HS3ST3A1: variants seen among roughly 807,000 people sequenced by gnomAD.
HS3ST3A1 encodes heparan sulfate-glucosamine 3-sulfotransferase 3A1.
A neutral mutation model predicts 25.7 loss-of-function variants in HS3ST3A1; 19 were observed. That is an observed-to-expected ratio of 0.74 (90% CI 0.52 to 1.08). The LOEUF (loss-of-function observed/expected upper bound fraction) is 1.08, where lower values mean the gene tolerates loss of function less well. Among genes scored for constraint, HS3ST3A1 ranks in the 50% least tolerant of loss-of-function variants. The pLI is 0.00. For synonymous variants in HS3ST3A1, 226 were observed against 278.6 expected (o/e 0.81, Z 1.88); for missense variants, 459 against 594.3 (o/e 0.77, Z 2.37).
intron 1 of HS3ST3A1, among the ~76,000 whole-genome samples, chr17:13,557,784 A>G (rs1907421237): frequency 6.6e-6 from 1 of 152,228 alleles, no homozygotes; most frequent in African/African-American, 2.4e-5. Context: ...GGTTGAGATC[A>G]GAGAATGAAG....
intron 1 of HS3ST3A1, among the ~76,000 whole-genome samples, chr17:13,537,927 TA>T (rs1243370237): frequency 6.6e-6 from 1 of 152,234 alleles, no homozygotes; most frequent in African/African-American, 2.4e-5. Flanking sequence ...TCTGTAAGGT[TA>T]AAAACTCAGC....
intron 1 of HS3ST3A1, among the ~76,000 whole-genome samples, chr17:13,546,173 A>T (rs755303376): frequency 1.1e-4 from 16 of 152,202 alleles, no homozygotes; most frequent in Non-Finnish European, 1.8e-4. Context: ...CTTTCATCTT[A>T]TCTAGTCCTT....
intron 1 of HS3ST3A1, among the ~76,000 whole-genome samples, chr17:13,509,594 GAC>G (rs946182692): frequency 2.6e-5 from 4 of 151,874 alleles, no homozygotes; most frequent in African/African-American, 9.7e-5. Flanking sequence ...GCGAGAGAGA[GAC>G]AGAGAGAGAT....
chr17:13,572,658 A>C (rs1907849044), intron 1 of HS3ST3A1, among the ~76,000 whole-genome samples: 1 of 152,060 alleles, frequency 6.6e-6, no homozygotes, highest in African/African-American at 2.4e-5. Flanking sequence ...GCTGTGTTTT[A>C]ATTTGTTAAG....
rs561052041 is a variant in HS3ST3A1 at position 13,521,140 on chromosome 17, T to C, written c.600-24322A>G. Among the ~76,000 whole-genome samples the C allele has an allele frequency of 7.2e-5, 11 of 152,308 alleles. No individual in the cohort carries two copies. The East Asian group carries it at 2.1e-3, about 29-fold the overall frequency. The stretch of plus-strand genomic sequence containing the variant: ...TCTTGCTTCTGAGTTTGAGTCACCA[T>C]TTGCCTCTTGGCCGGGTTGGTCTAC... On this transcript the variant is annotated intron_variant, in intron 1 of 1. Coordinates refer to ENST00000284110, the MANE Select transcript of HS3ST3A1 (RefSeq NM_006042.3).
At chr17:13,583,606 T>A (rs58529364) in intron 1 of HS3ST3A1, among the ~76,000 whole-genome samples, 1 of 152,096 alleles carries the variant, frequency 6.6e-6, no homozygotes, top group Non-Finnish European at 1.5e-5. Context: ...TACCCTTAGA[T>A]TTTTTTATCA....
chr17:13,512,574 T>C (rs1333697551), intron 1 of HS3ST3A1, among the ~76,000 whole-genome samples: 1 of 152,168 alleles, frequency 6.6e-6, no homozygotes, highest in Non-Finnish European at 1.5e-5. Flanking sequence ...CTCGGCAGCT[T>C]TTGAACCACA....
intron 1 of HS3ST3A1, among the ~76,000 whole-genome samples, chr17:13,590,596 C>T (rs1442312682): frequency 6.6e-6 from 1 of 152,138 alleles, no homozygotes; most frequent in African/African-American, 2.4e-5. Flanking sequence ...GTTTATGATT[C>T]TATCTTATTG....
At chr17:13,536,221 A>C (rs1906766032) in intron 1 of HS3ST3A1, among the ~76,000 whole-genome samples, 1 of 152,230 alleles carries the variant, frequency 6.6e-6, no homozygotes, top group African/African-American at 2.4e-5. Context: ...TCAAAGAGAT[A>C]AACCTGACAA....
chr17:13,546,440 G>A (rs12150035), intron 1 of HS3ST3A1, among the ~76,000 whole-genome samples: 26,998 of 152,004 alleles, frequency 0.18, 2,431 homozygotes, highest in Admixed American at 0.19. Flanking sequence ...GGTAATTTTT[G>A]TATTTTTAGT....
chr17:13,560,184 C>A (rs113572194), intron 1 of HS3ST3A1, among the ~76,000 whole-genome samples: 13 of 146,018 alleles, frequency 8.9e-5, no homozygotes, highest in African/African-American at 3.0e-4. Flanking sequence ...CAGCTACTCG[C>A]GAGGCTGAGG....
At chr17:13,544,466 A>C (rs1267409608) in intron 1 of HS3ST3A1, among the ~76,000 whole-genome samples, 1 of 152,200 alleles carries the variant, frequency 6.6e-6, no homozygotes, top group Non-Finnish European at 1.5e-5. Flanking sequence ...CTTTGAAGGA[A>C]GGGCTCGCTG....
chr17:13,578,232 A>T (rs2142379333), intron 1 of HS3ST3A1, among the ~76,000 whole-genome samples: 1 of 152,154 alleles, frequency 6.6e-6, no homozygotes, highest in African/African-American at 2.4e-5. Flanking sequence ...CTTTTAAAAA[A>T]TGCTTAAAAT....
At position 13,579,845 on chromosome 17, in the gene HS3ST3A1, G is replaced by C. The variant is rs577294280; in HGVS notation, c.599+20686C>G. The stretch of plus-strand genomic sequence containing the variant: ...AATTAGTGGGGCCGTGGTGGCGCTT[G>C]CCTGTAATCCCAGTTATTCGGGAGC... On this transcript the variant is annotated intron_variant, in intron 1 of 1. Transcript: ENST00000284110. Among the ~76,000 whole-genome samples, 51 of 148,994 alleles carry C rather than the reference G, an allele frequency of 3.4e-4. 1 individual carries two copies. Among genetic ancestry groups the C allele is most frequent in the African/African-American group, 1.2e-3 (49 of 40,536 alleles).
At position 13,495,858 on chromosome 17, in the gene HS3ST3A1, T is replaced by C. The variant is rs1463023377; in HGVS notation, c.*339A>G. 1 of 193,242 alleles carries C rather than the reference T, an allele frequency of 5.2e-6. No homozygotes were observed. The highest frequency in any genetic ancestry group is 1.0e-5 in the Non-Finnish European group (1 of 95,600). The allele number at this position is 193,242 out of a possible 1,614,324, so 12.0% of individuals were successfully genotyped here. A position where few individuals can be genotyped will look rare whatever the true frequency, so the allele number is the denominator to read the frequency against. ...ATAGATATCAATTTTATCAGGGCCTTGTATTTTAAAAAAAGAGAGAGAGAT... is the reference window on the plus strand; with the variant it reads ...ATAGATATCAATTTTATCAGGGCCTCGTATTTTAAAAAAAGAGAGAGAGAT... On this transcript the variant is annotated 3_prime_UTR_variant, in exon 2 of 2. Transcript: ENST00000284110.
chr17:13,591,048 C>CTTTTT (rs552742240), intron 1 of HS3ST3A1, among the ~76,000 whole-genome samples: 11 of 136,666 alleles, frequency 8.0e-5, no homozygotes, highest in African/African-American at 2.5e-4. Flanking sequence ...TTTTTCTTTT[C>CTTTTT]TTTTTTTTTT....
intron 1 of HS3ST3A1, among the ~76,000 whole-genome samples, chr17:13,582,851 C>T (rs1362840000): frequency 6.6e-6 from 1 of 152,106 alleles, no homozygotes; most frequent in Non-Finnish European, 1.5e-5. Context: ...CTCTGGCAGG[C>T]AAAGATTCAC....
intron 1 of HS3ST3A1, among the ~76,000 whole-genome samples, chr17:13,582,378 T>C (rs1908138901): frequency 6.6e-6 from 1 of 152,228 alleles, no homozygotes; most frequent in Non-Finnish European, 1.5e-5. Context: ...CAGTTATTAT[T>C]TGGTTTTTAA....
At chr17:13,523,319 AGGAAACTGGATCAGTTAAC>A (rs150861155) in intron 1 of HS3ST3A1, among the ~76,000 whole-genome samples, 2,041 of 152,338 alleles carry the variant, frequency 0.013, 52 homozygotes, top group African/African-American at 0.046. Flanking sequence ...TTTCTTGAGC[AGGAAACTGGATCAGTTAAC>A]GGAAACAAAT....
Sources: allele counts gnomAD v4.1 joint callset (sites outside exome capture counted in the v4.1 genomes callset), GRCh38; gene constraint gnomAD v4.1.1; transcripts MANE v1.5; gene names NCBI Gene and HGNC (gene_info 2026-07-23, HGNC 2026-07-21).